Variants in ANKRD44 observed in about 807,000 individuals in gnomAD.
ANKRD44 encodes the protein serine/threonine-protein phosphatase 6 regulatory ankyrin repeat subunit B.
Under a neutral mutation model 116.0 loss-of-function variants are expected in ANKRD44, and 35 were observed. The ratio of observed to expected loss-of-function variants is 0.30; its 90% CI spans 0.23 to 0.40. The LOEUF is 0.40. ANKRD44 is among the 10% of genes least tolerant of loss of function. The pLI is 1.00. For missense variants in ANKRD44, 1,014 were observed against 1,242.6 expected, an observed-to-expected ratio of 0.82 and a Z score of 2.77; for synonymous variants, 435 against 461.8, an observed-to-expected ratio of 0.94 and a Z score of 0.74.
chr2:197,257,410 C>G (rs552672515), intron 1 of ANKRD44, among the ~76,000 whole-genome samples: 11 of 150,532 alleles, frequency 7.3e-5, no homozygotes, highest in Admixed American at 1.3e-4. Context: ...AATCAACAGG[C>G]AGTAACAGTC....
chr2:196,978,676 A>G (rs1041431690), intron 21 of ANKRD44, among the ~76,000 whole-genome samples: 1 of 152,212 alleles, frequency 6.6e-6, no homozygotes, highest in Admixed American at 6.5e-5. Flanking sequence ...TATATTCTGA[A>G]ATTAGATAGT....
At chr2:197,258,399 T>C (rs2082512533) in intron 1 of ANKRD44, among the ~76,000 whole-genome samples, 1 of 151,330 alleles carries the variant, frequency 6.6e-6, no homozygotes, top group Non-Finnish European at 1.5e-5. Flanking sequence ...CTGGGATTAC[T>C]TTGGGAATTC....
chr2:197,305,354 G>A (rs544664332), intron 1 of ANKRD44, among the ~76,000 whole-genome samples: 11 of 151,956 alleles, frequency 7.2e-5, no homozygotes, highest in South Asian at 6.2e-4. Flanking sequence ...AAATTTCTTC[G>A]GGGGAAAAAA....
downstream of ANKRD44, among the ~76,000 whole-genome samples, chr2:196,983,111 T>G (rs1411101783): frequency 6.6e-6 from 1 of 151,908 alleles, no homozygotes; most frequent in Non-Finnish European, 1.5e-5. Flanking sequence ...GGTTGATAGG[T>G]GCAGCATACC....
chr2:197,226,527 G>A (rs1235047461), intron 1 of ANKRD44, among the ~76,000 whole-genome samples: 1 of 152,102 alleles, frequency 6.6e-6, no homozygotes, highest in Non-Finnish European at 1.5e-5. Context: ...AGCCAGGTGT[G>A]GTGGTGCACG....
chr2:197,302,821 G>A (rs2083951152), intron 1 of ANKRD44, among the ~76,000 whole-genome samples: 1 of 152,138 alleles, frequency 6.6e-6, no homozygotes, highest in Non-Finnish European at 1.5e-5. Context: ...CCAACTCTGG[G>A]CCAACCCTTC....
chr2:197,118,290 CA>C (rs963369289), intron 8 of ANKRD44, among the ~76,000 whole-genome samples: 1 of 148,478 alleles, frequency 6.7e-6, no homozygotes, highest in African/African-American at 2.5e-5. Flanking sequence ...AGCAAATACA[CA>C]AAAAAGAAAC....
intron 9 of ANKRD44, among the ~76,000 whole-genome samples, chr2:197,102,950 C>T (rs1217886488): frequency 5.9e-5 from 9 of 151,782 alleles, no homozygotes; most frequent in Non-Finnish European, 1.0e-4. Context: ...TGGGGGGTGG[C>T]GGGGCGTGGT....
chr2:197,047,270 T>C (rs2077020056), intron 16 of ANKRD44, among the ~76,000 whole-genome samples: 1 of 152,146 alleles, frequency 6.6e-6, no homozygotes, highest in Non-Finnish European at 1.5e-5. Flanking sequence ...TCCACCCGCC[T>C]CGGCCTCCCA....
chr2:197,048,340 G>GC (rs974271128), intron 16 of ANKRD44, among the ~76,000 whole-genome samples: 2 of 151,792 alleles, frequency 1.3e-5, no homozygotes, highest in Non-Finnish European at 2.9e-5. Flanking sequence ...CCCTCCCCCT[G>GC]CCCCCCACTC....
At chr2:197,275,635 T>C (rs1386070752) in intron 1 of ANKRD44, among the ~76,000 whole-genome samples, 2 of 151,940 alleles carry the variant, frequency 1.3e-5, no homozygotes, top group Non-Finnish European at 1.5e-5. Context: ...CTATTGCACT[T>C]TCTATGTCCA....
Position 197,211,849 on chromosome 2 carries a change from C to T in ANKRD44, c.28-24743G>A, listed in dbSNP as rs1412014973. On this transcript the variant is annotated intron_variant, in intron 1 of 27. Transcript: ENST00000282272. The stretch of plus-strand genomic sequence containing the variant: ...GGGCAGCAAGCAGGAGACGACGCAG[C>T]ACAAAGAAGCCCCAAGAAAGGTGAT... Among the ~76,000 whole-genome samples the T allele has an allele frequency of 2.6e-5, 4 of 151,960 alleles. No individual in the cohort carries two copies. In the East Asian group the frequency reaches 5.8e-4, roughly 22 times the overall value.
intron 16 of ANKRD44, chr2:197,078,313 A>G: frequency 4.4e-6 from 1 of 225,390 alleles, no homozygotes; most frequent in Non-Finnish European, 9.0e-6. Context: ...ACACACACAC[A>G]CACACACACA....
In ANKRD44 at chr2:196,988,748, T is replaced by C. The variant is rs543870375; in HGVS notation, c.*843A>G. The C allele has an allele frequency of 3.9e-5, 38 of 985,330 alleles. No individual in the cohort carries two copies. Among genetic ancestry groups the C allele is most frequent in the Non-Finnish European group, 4.5e-5 (37 of 829,938 alleles). 61.0% of individuals were successfully genotyped at this position (985,330 alleles called of 1,614,324 possible). A position where few individuals can be genotyped will look rare whatever the true frequency, so the allele number is the denominator to read the frequency against. On this transcript the variant is annotated 3_prime_UTR_variant, in exon 28 of 28. Coordinates refer to ENST00000282272, the MANE Select transcript of ANKRD44 (RefSeq NM_001195144.2). ...TTCGACACATTTCTTTTCTGTCTCT[T>C]CCTCAAGTAGAAAATAGCACTTGAG...
intron 8 of ANKRD44, among the ~76,000 whole-genome samples, chr2:197,117,545 G>T (rs947390029): frequency 1.3e-5 from 2 of 151,530 alleles, no homozygotes; most frequent in Non-Finnish European, 2.9e-5. Flanking sequence ...GCCAATTTTT[G>T]TATCTTTGGA....
intron 2 of ANKRD44, among the ~76,000 whole-genome samples, chr2:197,172,700 G>A (rs997997391): frequency 1.3e-5 from 2 of 152,104 alleles, no homozygotes; most frequent in Non-Finnish European, 2.9e-5. Context: ...AAGTAACTGG[G>A]GTTACAGGTG....
chr2:197,248,578 G>GTATATATATATATATATATATATA (rs377124357), intron 1 of ANKRD44, among the ~76,000 whole-genome samples: 13 of 144,252 alleles, frequency 9.0e-5, no homozygotes, highest in African/African-American at 3.2e-4. Flanking sequence ...GTGTGTGTGT[G>GTATATATATATATATATATATATA]TATATATATA....
intron 8 of ANKRD44, among the ~76,000 whole-genome samples, chr2:197,113,168 T>C (rs898304018): frequency 1.3e-5 from 2 of 152,106 alleles, no homozygotes; most frequent in African/African-American, 4.8e-5. Context: ...GAGAATGAGA[T>C]ACAAAACCAT....
chr2:196,976,486 G>T (rs1435551341), intron 21 of ANKRD44, among the ~76,000 whole-genome samples: 1 of 152,108 alleles, frequency 6.6e-6, no homozygotes, highest in African/African-American at 2.4e-5. Context: ...AGCTATAAAA[G>T]TAATCATCCT....
Sources: gnomAD v4.1 joint callset for allele counts (sites outside exome capture counted in the v4.1 genomes callset) on GRCh38, gnomAD v4.1.1 for gene constraint, MANE v1.5 for transcripts, NCBI Gene and HGNC (gene_info 2026-07-23, HGNC 2026-07-21) for gene names.